Variants in PRSS58 observed in about 807,000 individuals in gnomAD.
PRSS58 encodes the protein protease, serine 58.
A neutral mutation model predicts 25.0 loss-of-function variants in PRSS58; 31 were observed. That is an observed-to-expected ratio of 1.24 (90% CI 0.93 to 1.67). The LOEUF is 1.67. Among genes scored for constraint, PRSS58 ranks in the 40% most tolerant of loss-of-function variants. The probability of loss-of-function intolerance (pLI) is 0.00; values close to 1 mark genes in which losing one functional copy is unlikely to be tolerated. For missense variants in PRSS58, 324 were observed against 287.9 expected, an observed-to-expected ratio of 1.13 and a Z score of -0.91; for synonymous variants, 119 against 106.1, an observed-to-expected ratio of 1.12 and a Z score of -0.75.
chr7:142,255,726 A>G (rs1272248960), intron 2 of PRSS58, 53 bp from the exon 3 acceptor site: 1 of 1,522,534 alleles, frequency 6.6e-7, no homozygotes, highest in Admixed American at 2.1e-5. Flanking sequence ...TCATCACCAG[A>G]AAAACTTCAG....
At chr7:142,253,954 G>T (rs1798511791) in intron 4 of PRSS58, among the ~76,000 whole-genome samples, 1 of 152,082 alleles carries the variant, frequency 6.6e-6, no homozygotes, top group Non-Finnish European at 1.5e-5. Flanking sequence ...AAATCTGAAG[G>T]TATTTACTAA....
chr7:142,256,490 A>T (rs774292820), intron 2 of PRSS58, among the ~76,000 whole-genome samples: 8 of 152,082 alleles, frequency 5.3e-5, no homozygotes, highest in Non-Finnish European at 2.9e-5. Flanking sequence ...TTGAGACAGG[A>T]TCTCACTCTG....
rs375768959 is a variant in PRSS58, at chr7:142,257,000, T to C, written c.40+668A>G. Among the ~76,000 whole-genome samples the C allele has an allele frequency of 6.6e-5, 10 of 152,228 alleles. No homozygotes were observed. In the South Asian group the frequency reaches 2.1e-3, roughly 32 times the overall value. On this transcript the variant is annotated intron_variant, in intron 2 of 5. Transcript: ENST00000547058. ...GCTCAAAGAAGAATGGAGGGTTTTGTAGACCATCGTAAGAACTCGGCCTTG... is the reference window on the plus strand; with the variant it reads ...GCTCAAAGAAGAATGGAGGGTTTTGCAGACCATCGTAAGAACTCGGCCTTG...
rs376777288 is a variant in PRSS58 at position 142,252,252 on chromosome 7, G to C, written c.695C>G (p.Pro232Arg). The change falls in exon 6 of 6, where the codon CCC becomes CGC. Residue 232 changes from proline to arginine, a missense_variant. By Grantham distance (103) the Pro-to-Arg change is moderately radical. Transcript: ENST00000547058. ...GIYAKIFYYIPWIENVIQNN is the reference protein window; with the variant it reads ...GIYAKIFYYIRWIENVIQNN ...ATTTTGGATTACATTTTCAATCCAG[G>C]GTATATAGTAAAAAATTTTGGCATA... The C allele has an allele frequency of 1.2e-6, 2 of 1,613,700 alleles. No homozygotes were observed. Among genetic ancestry groups the C allele is most frequent in the African/African-American group, 2.7e-5 (2 of 74,908 alleles).
intron 2 of PRSS58, among the ~76,000 whole-genome samples, chr7:142,256,494 C>T (rs1798557812): frequency 6.6e-6 from 1 of 152,174 alleles, no homozygotes; most frequent in African/African-American, 2.4e-5. Flanking sequence ...GACAGGATCT[C>T]ACTCTGTTGC....
At chr7:142,253,108 G>C (rs1299061296) in intron 4 of PRSS58, among the ~76,000 whole-genome samples, 1 of 152,168 alleles carries the variant, frequency 6.6e-6, no homozygotes, top group African/African-American at 2.4e-5. Flanking sequence ...TTGAACTCAA[G>C]AAGCGGAGGT....
chr7:142,257,275 GAGAA>G (rs1436597405), intron 2 of PRSS58, among the ~76,000 whole-genome samples: 1 of 152,156 alleles, frequency 6.6e-6, no homozygotes, highest in Non-Finnish European at 1.5e-5. Flanking sequence ...TGGGGTATGA[GAGAA>G]AGAGAGGATT....
Position 142,252,609 on chromosome 7 carries a change from T to C in PRSS58, c.439A>G (p.Lys147Glu). 6.2e-7 allele frequency: 1 copy of C among 1,606,202 alleles called. No individual in the cohort carries two copies. The highest frequency in any genetic ancestry group is 8.5e-7 in the Non-Finnish European group (1 of 1,178,244). ...TWSYNVCDIY[K>E]EPDSLQTVNI... ...ACAGTTTGCAGTGAATCGGGCTCTT[T>C]GTCTAAAGAAAAGATAGAAGTCAAA... Residue 147 changes from lysine to glutamate, a missense_variant and splice_region_variant, in exon 5 of 6, where the codon AAA becomes GAA. Physicochemically the swap from Lys to Glu is moderately conservative, Grantham distance 56. Coordinates refer to ENST00000547058, the MANE Select transcript of PRSS58 (RefSeq NM_001001317.5).
At chr7:142,257,781 ACAAAG>A in intron 1 of PRSS58, 33 bp from the exon 2 acceptor site, 1 of 1,208,270 alleles carries the variant, frequency 8.3e-7, no homozygotes, top group South Asian at 1.3e-5. Context: ...ACTAAATAAA[ACAAAG>A]CAAGATTGTA....
At chr7:142,256,395 T>A (rs935085612) in intron 2 of PRSS58, among the ~76,000 whole-genome samples, 1 of 151,970 alleles carries the variant, frequency 6.6e-6, no homozygotes. Context: ...GAAATAAAAG[T>A]AGGACAGGGA....
intron 2 of PRSS58, among the ~76,000 whole-genome samples, chr7:142,257,466 A>T (rs1416595123): frequency 4.6e-5 from 7 of 152,148 alleles, no homozygotes; most frequent in Non-Finnish European, 7.4e-5. Context: ...CGCCTCCCAC[A>T]AAAGCACACA....
At position 142,252,735 on chromosome 7, in the gene PRSS58, A is replaced by C. The variant is rs1457731766; in HGVS notation, c.437-124T>G. On this transcript the variant is annotated intron_variant, in intron 4 of 5. Transcript: ENST00000547058. The stretch of plus-strand genomic sequence containing the variant: ...AGATCAAACATTCAGAGAAGTCAGA[A>C]CTGTGGCAGTTAGGACAACGAGGGT... 11 of 1,043,764 alleles carry C rather than the reference A, an allele frequency of 1.1e-5. No homozygotes were observed. In the Admixed American group the frequency reaches 2.6e-4, roughly 25 times the overall value. 64.7% of individuals were successfully genotyped at this position (1,043,764 alleles called of 1,614,324 possible). A position where few individuals can be genotyped will look rare whatever the true frequency, so the allele number is the denominator to read the frequency against.
rs1293245882 is a variant in PRSS58 at position 142,252,582 on chromosome 7, TCA to T, written c.464_465del (p.Val155GlufsTer15). The T allele has an allele frequency of 1.9e-6, 3 of 1,613,854 alleles. No homozygotes were observed. Among genetic ancestry groups the T allele is most frequent in the African/African-American group, 1.3e-5 (1 of 75,042 alleles). On this transcript the variant is annotated frameshift_variant, in exon 5 of 6. Transcript: ENST00000547058. LOFTEE classifies it high-confidence loss of function. The part of the protein sequence containing the change: ...IYKEPDSLQT[V>X]NISVISKPQC... ...TGAGGCTTGGAGATTACAGAGATGTTCACAGTTTGCAGTGAATCGGGCTCTTT... is the reference window on the plus strand; with the variant it reads ...TGAGGCTTGGAGATTACAGAGATGTTCAGTTTGCAGTGAATCGGGCTCTTT...
intron 4 of PRSS58, among the ~76,000 whole-genome samples, chr7:142,254,150 TACTC>T (rs1030699698): frequency 1.3e-5 from 2 of 152,212 alleles, no homozygotes; most frequent in Non-Finnish European, 1.5e-5. Flanking sequence ...TACTCAAACT[TACTC>T]ATGAGTAAAG....
Position 142,257,538 on chromosome 7 carries a change from G to A in PRSS58, c.40+130C>T, listed in dbSNP as rs1262168930. On this transcript the variant is annotated intron_variant, in intron 2 of 5. Transcript: ENST00000547058. Reference sequence around the variant, plus strand: ...CAGGAGGAAACTTGATGGGAACGGGGCAGTGGAGAGGGACAGAGGACCATC... The same window carrying A: ...CAGGAGGAAACTTGATGGGAACGGGACAGTGGAGAGGGACAGAGGACCATC... 21 of 801,968 alleles carry A rather than the reference G, an allele frequency of 2.6e-5. No individual in the cohort carries two copies. In the Admixed American group the frequency reaches 3.5e-4, roughly 13 times the overall value. The allele number at this position is 801,968 out of a possible 1,614,324, so 49.7% of individuals were successfully genotyped here.
chr7:142,256,480 T>G (rs1798557447), intron 2 of PRSS58, among the ~76,000 whole-genome samples: 2 of 152,104 alleles, frequency 1.3e-5, no homozygotes, highest in African/African-American at 2.4e-5. Context: ...TGTTGTTTGT[T>G]TGAGACAGGA....
In PRSS58 at chr7:142,252,202, G is replaced by C; in HGVS notation, c.*19C>G. On this transcript the variant is annotated 3_prime_UTR_variant, in exon 6 of 6. Transcript: ENST00000547058. ...ACGATGGGGACAAGCTGTGTCATAT[G>C]GTCCACAACTGCCACAGCTCAGTTA... The C allele has an allele frequency of 6.3e-7, 1 of 1,599,784 alleles. No homozygotes were observed.
At chr7:142,253,129 C>T (rs892848303) in intron 4 of PRSS58, among the ~76,000 whole-genome samples, 10 of 152,190 alleles carry the variant, frequency 6.6e-5, no homozygotes, top group Admixed American at 5.2e-4. Flanking sequence ...TGCTATGAGC[C>T]GAGACTGCGC....
At position 142,252,339 on chromosome 7, in the gene PRSS58, C is replaced by T; in HGVS notation, c.608G>A (p.Gly203Glu). 6.2e-7 allele frequency: 1 copy of T among 1,613,974 alleles called. No individual in the cohort carries two copies. The highest frequency in any genetic ancestry group is 1.7e-5 in the Admixed American group (1 of 59,998). ...AAAAGACAGGATTCCTTGAAGCATC[C>T]CATTGCAGATTGCCGGGGCAGCAGA... ...EVSAAPAICN[G>E]MLQGILSFAD... The change falls in exon 6 of 6, where the codon GGG becomes GAG. Residue 203 changes from glycine to glutamate, a missense_variant. By Grantham distance (98) the Gly-to-Glu change is moderately conservative. Transcript: ENST00000547058.
Sources: gnomAD v4.1 joint callset for allele counts (sites outside exome capture counted in the v4.1 genomes callset) on GRCh38, gnomAD v4.1.1 for gene constraint, MANE v1.5 for transcripts, NCBI Gene and HGNC (gene_info 2026-07-23, HGNC 2026-07-21) for gene names.